GNL1: variants seen among roughly 807,000 people sequenced by gnomAD.
GNL1 encodes guanine nucleotide-binding protein-like 1.
GNL1 carries 21 observed loss-of-function variants against 75.2 expected under a neutral mutation model. The observed-to-expected ratio is 0.28, with a 90% CI of 0.20 to 0.40. The LOEUF (loss-of-function observed/expected upper bound fraction) is 0.40, where lower values mean the gene tolerates loss of function less well. Ranked by LOEUF, GNL1 falls within the 10% of genes least tolerant of loss-of-function variation. GNL1 has a pLI of 1.00. For synonymous variants in GNL1, 287 were observed against 303.4 expected, an observed-to-expected ratio of 0.95 and a Z score of 0.56; for missense variants, 579 against 775.0, an observed-to-expected ratio of 0.75 and a Z score of 3.00.
chr6:30,552,424 T>C lies in GNL1; in HGVS notation c.1099+43A>G, dbSNP rs1799843742. ...CTCTTCTCCGAATATGAAAACTCTG[T>C]ACCTCCTTGGAGGCCACCACGCACA... On this transcript the variant is annotated intron_variant, in intron 8 of 11. Transcript: ENST00000376621. This position sits in a 1 kb window ranked among gnomAD's most constrained non-coding sequence, Gnocchi z 4.5. 4 of 1,514,748 alleles carry C rather than the reference T, an allele frequency of 2.6e-6. No individual in the cohort carries two copies. The highest frequency in any genetic ancestry group is 1.7e-4 in the Middle Eastern group (1 of 5,776). The allele number at this position is 1,514,748 out of a possible 1,614,324, so 93.8% of individuals were successfully genotyped here.
In GNL1 at chr6:30,543,237, C is replaced by T. The variant is rs1799269246; in HGVS notation, c.*2835G>A. ...CTGACATAACTTTATACTAATGCAG[C>T]TTCTAGCCCTGTCCCCCACTCCTTC... is the stretch of plus-strand genomic sequence containing the variant. On this transcript the variant is annotated 3_prime_UTR_variant, in exon 12 of 12. Transcript: ENST00000376621. 6.6e-6 allele frequency: 1 copy of T among 152,260 alleles called. No individual in the cohort carries two copies. 9.4% of individuals were successfully genotyped at this position (152,260 alleles called of 1,614,324 possible).
In GNL1 at chr6:30,554,582, C is replaced by G; in HGVS notation, c.593G>C (p.Arg198Pro). ...CTTATCCCTAGTACTCACTGGATGT[C>G]GGATATCAGTGATAAGCAGGACGAT... ...SDIVLLITDI[R>P]HPVVNFPPAL... Residue 198 changes from arginine (R) to proline (P), a missense_variant, in exon 5 of 12, where the codon CGA becomes CCA. Arg to Pro is a moderately radical substitution (Grantham distance 103, BLOSUM62 -2). Transcript: ENST00000376621. 1 of 1,586,890 alleles carries G rather than the reference C, an allele frequency of 6.3e-7. No individual in the cohort carries two copies. Among genetic ancestry groups the G allele is most frequent in the South Asian group, 1.1e-5 (1 of 90,544 alleles).
chr6:30,553,066 C>T lies in GNL1; in HGVS notation c.904+18G>A. 6.4e-7 allele frequency: 1 copy of T among 1,553,664 alleles called. No homozygotes were observed. Among genetic ancestry groups the T allele is most frequent in the Admixed American group, 1.7e-5 (1 of 59,244 alleles). Reference sequence around the variant, plus strand: ...CTCCCCCATGTCCTCCTACAGCCCTCCTCTAAGGGCCACATACCTTTCCCC... The same window carrying T: ...CTCCCCCATGTCCTCCTACAGCCCTTCTCTAAGGGCCACATACCTTTCCCC... On this transcript the variant is annotated intron_variant, in intron 7 of 11. Coordinates refer to ENST00000376621, the MANE Select transcript of GNL1 (RefSeq NM_005275.5).
rs138749344 is a variant in GNL1 at position 30,556,204 on chromosome 6, G to C, written c.-1C>G. 4.1e-4 allele frequency: 650 copies of C among 1,603,840 alleles called. 1 individual carries two copies. Among genetic ancestry groups the C allele is most frequent in the Middle Eastern group, 1.3e-3 (8 of 6,062 alleles). On this transcript the variant is annotated 5_prime_UTR_variant, in exon 1 of 12. Coordinates refer to ENST00000376621, the MANE Select transcript of GNL1 (RefSeq NM_005275.5). The surrounding 1 kb of genome is among the most constrained non-coding windows in gnomAD (Gnocchi z 5.7). ...CGCTGAATGGCTTCTTCCTCGGCAT[G>C]GCCCGGACCAGTCACCTGGCCCGCC...
At position 30,555,781 on chromosome 6, in the gene GNL1, C is replaced by T. The variant is rs756338531; in HGVS notation, c.74-61G>A. 1 of 1,522,300 alleles carries T rather than the reference C, an allele frequency of 6.6e-7. No homozygotes were observed. The highest frequency in any genetic ancestry group is 9.0e-7 in the Non-Finnish European group (1 of 1,107,758). 94.3% of individuals were successfully genotyped at this position (1,522,300 alleles called of 1,614,324 possible). A position where few individuals can be genotyped will look rare whatever the true frequency, so the allele number is the denominator to read the frequency against. On this transcript the variant is annotated intron_variant, in intron 1 of 11. Coordinates refer to ENST00000376621, the MANE Select transcript of GNL1 (RefSeq NM_005275.5). The surrounding 1 kb of genome is among the most constrained non-coding windows in gnomAD (Gnocchi z 4.3). ...GCTCTCAGGGGCCATAAGACCCTCT[C>T]CCCCATCGGCCTGACTCCCTTTCAT...
At position 30,553,064 on chromosome 6, in the gene GNL1, C is replaced by T. The variant is rs754587013; in HGVS notation, c.904+20G>A. Reference sequence around the variant, plus strand: ...GTCTCCCCCATGTCCTCCTACAGCCCTCCTCTAAGGGCCACATACCTTTCC... The same window carrying T: ...GTCTCCCCCATGTCCTCCTACAGCCTTCCTCTAAGGGCCACATACCTTTCC... On this transcript the variant is annotated intron_variant, in intron 7 of 11. Coordinates refer to ENST00000376621, the MANE Select transcript of GNL1 (RefSeq NM_005275.5). 6.5e-7 allele frequency: 1 copy of T among 1,546,922 alleles called. No individual in the cohort carries two copies. Among genetic ancestry groups the T allele is most frequent in the Non-Finnish European group, 8.9e-7 (1 of 1,121,352 alleles).
chr6:30,555,111 G>A lies in GNL1; in HGVS notation c.320C>T (p.Pro107Leu), dbSNP rs1354835164. The A allele has an allele frequency of 2.5e-6, 4 of 1,612,756 alleles. No homozygotes were observed. Among genetic ancestry groups the A allele is most frequent in the Non-Finnish European group, 3.4e-6 (4 of 1,179,998 alleles). Residue 107 changes from proline to leucine, a missense_variant, in exon 3 of 12, where the codon CCG (proline) becomes CTG (leucine). Pro to Leu is a moderately conservative substitution (Grantham distance 98, BLOSUM62 -3). Coordinates refer to ENST00000376621, the MANE Select transcript of GNL1 (RefSeq NM_005275.5). The surrounding 1 kb of genome is among the most constrained non-coding windows in gnomAD (Gnocchi z 4.3). ...CAGCTCCAACAACTCAGCACTGACC[G>A]GCTGTAGAACTTGCTCCCGGGCTGC... The part of the protein sequence containing the change: ...KRAAREQVLQ[P>L]VSAELLELDI...
chr6:30,547,634 G>A lies in GNL1; in HGVS notation c.1100-104C>T. 1.0e-6 allele frequency: 1 copy of A among 978,850 alleles called. No homozygotes were observed. Among genetic ancestry groups the A allele is most frequent in the Non-Finnish European group, 1.6e-6 (1 of 633,840 alleles). 60.6% of individuals were successfully genotyped at this position (978,850 alleles called of 1,614,324 possible). On this transcript the variant is annotated intron_variant, in intron 8 of 11. Transcript: ENST00000376621. This position sits in a 1 kb window ranked among gnomAD's most constrained non-coding sequence, Gnocchi z 5.5. ...GGGGAACTAAGGCTCAGAAATTAAG[G>A]AAATGGTATTGCAGAATACAAATCA...
chr6:30,555,500 C>G lies in GNL1; in HGVS notation c.239+55G>C. 1 of 1,542,828 alleles carries G rather than the reference C, an allele frequency of 6.5e-7. No individual in the cohort carries two copies. Among genetic ancestry groups the G allele is most frequent in the Non-Finnish European group, 8.9e-7 (1 of 1,128,640 alleles). ...AGTAGCAGCCCGCTTTCCCCCAAAGCTCTGACTTCCGGGTAGGCGGGAAAG... is the reference window on the plus strand; with the variant it reads ...AGTAGCAGCCCGCTTTCCCCCAAAGGTCTGACTTCCGGGTAGGCGGGAAAG... On this transcript the variant is annotated intron_variant, in intron 2 of 11. Transcript: ENST00000376621. This position sits in a 1 kb window ranked among gnomAD's most constrained non-coding sequence, Gnocchi z 4.3.
rs138612204 is a variant in GNL1, at chr6:30,552,567, G to A, written c.999C>T (p.Gly333=). 1.9e-5 allele frequency: 31 copies of A among 1,613,926 alleles called. No individual in the cohort carries two copies. The highest frequency in any genetic ancestry group is 2.5e-5 in the Non-Finnish European group (30 of 1,179,952). The change falls in exon 8 of 12, where the codon GGC becomes GGT. Residue 333 remains glycine, a synonymous_variant. Transcript: ENST00000376621. This position sits in a 1 kb window ranked among gnomAD's most constrained non-coding sequence, Gnocchi z 4.5. ...GSGEEEEEED[G]PAVLVEQQTD... is the part of the protein sequence containing the mutation. Reference sequence around the variant, plus strand: ...TCTGCTGCTCCACCAGGACTGCTGGGCCATCCTCCTCTTCCTCCTCCTCCC... The same window carrying A: ...TCTGCTGCTCCACCAGGACTGCTGGACCATCCTCCTCTTCCTCCTCCTCCC...
intron 5 of GNL1, 97 bp from the exon 6 acceptor site, chr6:30,553,654 C>T: frequency 2.5e-6 from 2 of 812,888 alleles, no homozygotes; most frequent in Non-Finnish European, 4.2e-6. Flanking sequence ...AGAGACAAGG[C>T]CCTGGTGGTA....
In GNL1 at chr6:30,552,421, C is replaced by G. The variant is rs1298033245; in HGVS notation, c.1099+46G>C. 2 of 1,504,728 alleles carry G rather than the reference C, an allele frequency of 1.3e-6. No individual in the cohort carries two copies. The highest frequency in any genetic ancestry group is 1.8e-6 in the Non-Finnish European group (2 of 1,090,808). The allele number at this position is 1,504,728 out of a possible 1,614,324, so 93.2% of individuals were successfully genotyped here. On this transcript the variant is annotated intron_variant, in intron 8 of 11. Coordinates refer to ENST00000376621, the MANE Select transcript of GNL1 (RefSeq NM_005275.5). The surrounding 1 kb of genome is among the most constrained non-coding windows in gnomAD (Gnocchi z 4.5). ...TCTCTCTTCTCCGAATATGAAAACT[C>G]TGTACCTCCTTGGAGGCCACCACGC... is the stretch of plus-strand genomic sequence containing the variant.
intron 6 of GNL1, 69 bp from the exon 7 acceptor site, chr6:30,553,248 G>T: frequency 7.0e-7 from 1 of 1,438,120 alleles, no homozygotes; most frequent in South Asian, 1.2e-5. Flanking sequence ...CCACCCTTAG[G>T]CCCAAGACCA....
chr6:30,556,111 CCTCCCG>C lies in GNL1; in HGVS notation c.73+14_73+19del. The C allele has an allele frequency of 6.3e-7, 1 of 1,598,228 alleles. No homozygotes were observed. The highest frequency in any genetic ancestry group is 8.5e-7 in the Non-Finnish European group (1 of 1,175,784). The stretch of plus-strand genomic sequence containing the variant: ...TGCGGAAGCCCGAGCCCCGCCCCCT[CCTCCCG>C]CTCCCGCACTGACCTCTCTTCCGCT... On this transcript the variant is annotated intron_variant, in intron 1 of 11. Coordinates refer to ENST00000376621, the MANE Select transcript of GNL1 (RefSeq NM_005275.5). This position sits in a 1 kb window ranked among gnomAD's most constrained non-coding sequence, Gnocchi z 5.7.
rs1799932895 is a variant in GNL1, at chr6:30,553,537, T to C, written c.621A>G (p.Ala207=). Residue 207 remains alanine (A), a synonymous_variant, in exon 6 of 12, where the codon GCA becomes GCG. Transcript: ENST00000376621. ...IRHPVVNFPP[A]LYEYVTGELG... Reference sequence around the variant, plus strand: ...GTTCTCCAGTCACATACTCATAAAGTGCTGGCGGGAAATTCACAACCTAGG... The same window carrying C: ...GTTCTCCAGTCACATACTCATAAAGCGCTGGCGGGAAATTCACAACCTAGG... 2 of 1,612,504 alleles carry C rather than the reference T, an allele frequency of 1.2e-6. No homozygotes were observed. The highest frequency in any genetic ancestry group is 8.5e-7 in the Non-Finnish European group (1 of 1,179,602).
chr6:30,552,128 C>T lies in GNL1; in HGVS notation c.1099+339G>A, dbSNP rs556869473. The T allele has an allele frequency of 1.2e-3, 323 of 274,728 alleles. 2 individuals are homozygous for T. The highest frequency in any genetic ancestry group is 1.4e-3 in the Non-Finnish European group (201 of 146,426). The allele number at this position is 274,728 out of a possible 1,614,324, so 17.0% of individuals were successfully genotyped here. The stretch of plus-strand genomic sequence containing the variant: ...ATCCTCCCACCTCAGCCTCCCAAAG[C>T]GCTGGGACTATATAGGCATGAGCCC... On this transcript the variant is annotated intron_variant, in intron 8 of 11. Transcript: ENST00000376621. The surrounding 1 kb of genome is among the most constrained non-coding windows in gnomAD (Gnocchi z 4.5).
In GNL1 at chr6:30,542,421, A is replaced by C. The variant is rs2127359660; in HGVS notation, c.*3651T>G. 6.6e-6 allele frequency: 1 copy of C among 151,820 alleles called. No individual in the cohort carries two copies. The highest frequency in any genetic ancestry group is 1.5e-5 in the Non-Finnish European group (1 of 67,982). 9.4% of individuals were successfully genotyped at this position (151,820 alleles called of 1,614,324 possible). On this transcript the variant is annotated 3_prime_UTR_variant, in exon 12 of 12. Coordinates refer to ENST00000376621, the MANE Select transcript of GNL1 (RefSeq NM_005275.5). The surrounding 1 kb of genome is among the most constrained non-coding windows in gnomAD (Gnocchi z 4.5). ...TTCCTCAGCCTTCTCTGCTCCCCAC[A>C]CCTATATGTTGATGATGCCCAAATC...
chr6:30,555,666 C>G lies in GNL1; in HGVS notation c.128G>C (p.Arg43Pro). 3 of 1,614,048 alleles carry G rather than the reference C, an allele frequency of 1.9e-6. No homozygotes were observed. Among genetic ancestry groups the G allele is most frequent in the Non-Finnish European group, 2.5e-6 (3 of 1,180,012 alleles). The change falls in exon 2 of 12, where the codon CGG becomes CCG. Residue 43 changes from arginine (R) to proline (P), a missense_variant. Coordinates refer to ENST00000376621, the MANE Select transcript of GNL1 (RefSeq NM_005275.5). This position sits in a 1 kb window ranked among gnomAD's most constrained non-coding sequence, Gnocchi z 4.3. ...CGAGGTGTCGGTCTGTTCCTCTCGC[C>G]GCTCCCGGCTCCCGCTGCGGCTGTT... ...SSNSRSGSRE[R>P]REEQTDTSDG...
Position 30,552,389 on chromosome 6 carries a change from A to T in GNL1, c.1099+78T>A. The T allele has an allele frequency of 7.9e-7, 1 of 1,260,462 alleles. No individual in the cohort carries two copies. Among genetic ancestry groups the T allele is most frequent in the Non-Finnish European group, 1.1e-6 (1 of 880,638 alleles). The allele number at this position is 1,260,462 out of a possible 1,614,324, so 78.1% of individuals were successfully genotyped here. On this transcript the variant is annotated intron_variant, in intron 8 of 11. Transcript: ENST00000376621. This position sits in a 1 kb window ranked among gnomAD's most constrained non-coding sequence, Gnocchi z 4.5. ...ACACCCTGGGGCCTAATGAGACCTG[A>T]TCGCCCTCTCTCTTCTCCGAATATG...
Sources: gnomAD v4.1 joint callset for allele counts on GRCh38, gnomAD v4.1.1 for gene constraint, Gnocchi (gnomAD v3.1) non-coding constraint, MANE v1.5 for transcripts, NCBI Gene and HGNC (gene_info 2026-07-23, HGNC 2026-07-21) for gene names.